ATP2C2: variants seen among roughly 807,000 people sequenced by gnomAD.
The protein encoded by ATP2C2 is calcium-transporting ATPase type 2C member 2.
In ATP2C2, 171 loss-of-function variants were observed where a neutral mutation model predicts 110.8. That is an observed-to-expected ratio of 1.54 (90% CI 1.36 to 1.75). The LOEUF (loss-of-function observed/expected upper bound fraction) is 1.75, where lower values mean the gene tolerates loss of function less well. ATP2C2 is among the 40% of genes most tolerant of loss of function. ATP2C2 has a pLI of 0.00. For synonymous variants in ATP2C2, 804 were observed against 508.4 expected, an observed-to-expected ratio of 1.58 and a Z score of -7.82; for missense variants, 1,963 against 1,235.0, an observed-to-expected ratio of 1.59 and a Z score of -8.84.
At chr16:84,449,974 G>A (rs931944822) in intron 17 of ATP2C2, among the ~76,000 whole-genome samples, 3 of 152,224 alleles carry the variant, frequency 2.0e-5, no homozygotes, top group Middle Eastern at 3.2e-3. Flanking sequence ...AATCCCCACC[G>A]GGCAGAGGAG....
chr16:84,442,411 TCCCCACAA>T lies in ATP2C2; in HGVS notation c.1312-93_1312-86del, dbSNP rs201648292. 4,504 of 1,110,574 alleles carry T rather than the reference TCCCCACAA, an allele frequency of 4.1e-3. 196 individuals carry two copies. In the Admixed American group the frequency reaches 0.07, roughly 17 times the overall value. 68.8% of individuals were successfully genotyped at this position (1,110,574 alleles called of 1,614,324 possible). On this transcript the variant is annotated intron_variant, in intron 14 of 26. Coordinates refer to ENST00000262429, the MANE Select transcript of ATP2C2 (RefSeq NM_014861.4). ...GAGTTGTTTTAAAGAGCAAGTCTTG[TCCCCACAA>T]CCCCAGCTGTAAAAATGGGACAGGC...
chr16:84,386,231 G>A (rs150039171), intron 1 of ATP2C2, among the ~76,000 whole-genome samples: 3 of 152,122 alleles, frequency 2.0e-5, no homozygotes, highest in Non-Finnish European at 4.4e-5. Context: ...GGGTGCCATG[G>A]CTCCTGGGCC....
In ATP2C2 at chr16:84,368,669, G is replaced by T; in HGVS notation, c.54G>T (p.Gly18=). 1 of 1,560,370 alleles carries T rather than the reference G, an allele frequency of 6.4e-7. No individual in the cohort carries two copies. Among genetic ancestry groups the T allele is most frequent in the Admixed American group, 1.9e-5 (1 of 52,720 alleles). The part of the protein sequence containing the change: ...EFLKKLGFSG[G]GRQYQALEKD... ...TGAAGAAACTCGGCTTCTCGGGCGG[G>T]GGCCGCCAGTACCAGGCGCTGGAGA... is the stretch of plus-strand genomic sequence containing the variant. Residue 18 remains glycine, a synonymous_variant, in exon 1 of 27, where the codon GGG becomes GGT. Transcript: ENST00000262429.
chr16:84,433,842 C>G (rs190028996), intron 11 of ATP2C2, among the ~76,000 whole-genome samples: 1 of 152,138 alleles, frequency 6.6e-6, no homozygotes, highest in East Asian at 1.9e-4. Context: ...TACCCCAATT[C>G]TCTCCCCACC....
At chr16:84,403,340 C>G (rs1320499363) in intron 2 of ATP2C2, among the ~76,000 whole-genome samples, 1 of 152,198 alleles carries the variant, frequency 6.6e-6, no homozygotes, top group African/African-American at 2.4e-5. Context: ...TGGTCTCATT[C>G]TGTTGCCCAG....
intron 15 of ATP2C2, among the ~76,000 whole-genome samples, chr16:84,445,210 C>CT (rs373290504): frequency 0.24 from 34,058 of 141,652 alleles, 4,496 homozygotes; most frequent in Non-Finnish European, 0.31. Context: ...GCGTTTTCCT[C>CT]TTTTTTTTTT....
intron 11 of ATP2C2, among the ~76,000 whole-genome samples, chr16:84,435,834 AAAAT>A (rs1264623196): frequency 2.0e-5 from 3 of 148,358 alleles, no homozygotes; most frequent in Non-Finnish European, 3.0e-5. Context: ...CTCAAAAAAA[AAAAT>A]AAAAAACAGG....
intron 21 of ATP2C2, among the ~76,000 whole-genome samples, chr16:84,455,858 A>G (rs1011735706): frequency 4.5e-4 from 64 of 141,790 alleles, no homozygotes; most frequent in Middle Eastern, 3.5e-3. Context: ...ATTTTGTCAA[A>G]GGCTTTTTCT....
chr16:84,433,517 G>C (rs1908464753), intron 11 of ATP2C2, among the ~76,000 whole-genome samples: 1 of 152,084 alleles, frequency 6.6e-6, no homozygotes, highest in Non-Finnish European at 1.5e-5. Context: ...GCCGGGCATG[G>C]TGGCGTATGC....
chr16:84,412,352 G>A (rs1428724098), intron 6 of ATP2C2, among the ~76,000 whole-genome samples: 2 of 97,350 alleles, frequency 2.1e-5, no homozygotes, highest in South Asian at 5.7e-4. Flanking sequence ...GTGTGTCTGC[G>A]TGCGTGTGTG....
chr16:84,449,494 G>C (rs1246791608), intron 17 of ATP2C2, among the ~76,000 whole-genome samples: 1 of 152,178 alleles, frequency 6.6e-6, no homozygotes, highest in African/African-American at 2.4e-5. Flanking sequence ...TTCCCCATAT[G>C]CCTAAGGAAG....
Position 84,439,277 on chromosome 16 carries a change from C to T in ATP2C2, c.1098C>T (p.Ile366=), listed in dbSNP as rs750654957. Residue 366 remains isoleucine, a synonymous_variant, in exon 12 of 27, where the codon ATC becomes ATT. Transcript: ENST00000262429. ...GGGTCATCGTGAAGAAGTTACCCAT[C>T]GTGGAGACTTTAGGTGAGGGACTCC... ...KKRVIVKKLP[I]VETLGCCSVL... is the part of the protein sequence containing the mutation. The T allele has an allele frequency of 1.4e-5, 23 of 1,612,852 alleles. No homozygotes were observed. The highest frequency in any genetic ancestry group is 6.7e-5 in the East Asian group (3 of 44,882).
At chr16:84,417,286 G>C (rs1408986452) in intron 7 of ATP2C2, among the ~76,000 whole-genome samples, 2 of 152,106 alleles carry the variant, frequency 1.3e-5, no homozygotes, top group African/African-American at 4.8e-5. Context: ...GGAAGTCAGA[G>C]AACCCCAGGC....
At chr16:84,371,889 C>G (rs1909975762) in intron 1 of ATP2C2, among the ~76,000 whole-genome samples, 1 of 152,216 alleles carries the variant, frequency 6.6e-6, no homozygotes, top group African/African-American at 2.4e-5. Context: ...TAAGGATGCA[C>G]AGTTCTCTAC....
intron 1 of ATP2C2, among the ~76,000 whole-genome samples, chr16:84,374,398 T>C (rs1910135577): frequency 6.6e-6 from 1 of 152,190 alleles, no homozygotes; most frequent in South Asian, 2.1e-4. Context: ...TATGTCACAG[T>C]CCTGAGTTGT....
chr16:84,464,003 C>T lies in ATP2C2; in HGVS notation c.*271C>T, dbSNP rs557201178. The T allele has an allele frequency of 4.4e-4, 156 of 352,318 alleles. 1 individual carries two copies. Among genetic ancestry groups the T allele is most frequent in the African/African-American group, 3.1e-3 (149 of 48,494 alleles). The allele number at this position is 352,318 out of a possible 1,614,324, so 21.8% of individuals were successfully genotyped here. On this transcript the variant is annotated 3_prime_UTR_variant, in exon 27 of 27. Transcript: ENST00000262429. ...ATTAAATCACAATGATTTTTATTAA[C>T]CATGTCTAACTACGTATCTGTGCCA...
Position 84,449,496 on chromosome 16 carries a change from C to A in ATP2C2, c.1660+807C>A, listed in dbSNP as rs144938334. On this transcript the variant is annotated intron_variant, in intron 17 of 26. Transcript: ENST00000262429. The stretch of plus-strand genomic sequence containing the variant: ...ACTGTGCCTCAGTTTCCCCATATGC[C>A]TAAGGAAGGCAGGAGAGCAGTGACT... Among the ~76,000 whole-genome samples, 167 of 152,290 alleles carry A rather than the reference C, an allele frequency of 1.1e-3. 1 individual carries two copies. Among genetic ancestry groups the A allele is most frequent in the African/African-American group, 3.4e-3 (141 of 41,546 alleles).
At chr16:84,459,761 G>C in intron 23 of ATP2C2, 3 of 600,702 alleles carry the variant, frequency 5.0e-6, no homozygotes, top group Non-Finnish European at 8.8e-6. Context: ...TAGAGAGGAA[G>C]ATACACACAG....
intron 14 of ATP2C2, 132 bp from the exon 15 acceptor site, chr16:84,442,378 G>T: frequency 1.3e-6 from 1 of 781,890 alleles, no homozygotes; most frequent in Non-Finnish European, 2.2e-6. Flanking sequence ...TTAAAAAGCC[G>T]GGACGCTGAG....
Sources: gnomAD v4.1 joint callset for allele counts (sites outside exome capture counted in the v4.1 genomes callset) on GRCh38, gnomAD v4.1.1 for gene constraint, MANE v1.5 for transcripts, NCBI Gene and HGNC (gene_info 2026-07-23, HGNC 2026-07-21) for gene names.